Variants in PTGDS observed in about 807,000 individuals in gnomAD.
The protein encoded by PTGDS is prostaglandin-H2 D-isomerase.
PTGDS carries 21 observed loss-of-function variants against 28.4 expected under a neutral mutation model. The ratio of observed to expected loss-of-function variants is 0.74; its 90% CI spans 0.52 to 1.07. The LOEUF is 1.07. Among genes scored for constraint, PTGDS ranks in the 50% least tolerant of loss-of-function variants. PTGDS has a pLI of 0.00. For missense variants in PTGDS, 243 were observed against 247.7 expected (o/e 0.98, Z 0.13); for synonymous variants, 102 against 106.0 (o/e 0.96, Z 0.23).
At position 136,977,662 on chromosome 9, in the gene PTGDS, C is replaced by T; in HGVS notation, c.84C>T (p.Val28=). 1.9e-6 allele frequency: 3 copies of T among 1,605,760 alleles called. No individual in the cohort carries two copies. In the East Asian group the frequency reaches 6.8e-5, roughly 36 times the overall value. The change falls in exon 1 of 7, where the codon GTC becomes GTT. Residue 28 remains valine, a synonymous_variant. Transcript: ENST00000371625. ...TGCAGGCAGCACCGGAGGCCCAGGT[C>T]TCCGTGCAGCCCAACTTCCAGCAGG... ...GDLQAAPEAQ[V]SVQPNFQQDK...
chr9:136,980,391 C>G (rs1029723407), intron 5 of PTGDS, 107 bp downstream of exon 5: 2 of 1,256,738 alleles, frequency 1.6e-6, no homozygotes, highest in African/African-American at 1.5e-5. Flanking sequence ...CCGCCCTGCT[C>G]GAGGCCTGGG....
Position 136,979,267 on chromosome 9 carries a change from G to A in PTGDS, c.299G>A (p.Gly100Glu), listed in dbSNP as rs547801821. ...ETRTMLLQPA[G>E]SLGSYSYRSP... ...CGAACCATGCTGCTGCAGCCCGCGG[G>A]GTCCCTCGGCTCCTACAGCTACCGG... The change falls in exon 3 of 7, where the codon GGG becomes GAG. Residue 100 changes from glycine (G) to glutamate (E), a missense_variant. Coordinates refer to ENST00000371625, the MANE Select transcript of PTGDS (RefSeq NM_000954.6). 4.3e-6 allele frequency: 7 copies of A among 1,612,266 alleles called. No individual in the cohort carries two copies. The South Asian group carries it at 6.6e-5, about 15-fold the overall frequency.
At position 136,978,978 on chromosome 9, in the gene PTGDS, G is replaced by T; in HGVS notation, c.115-15G>T. 6.2e-7 allele frequency: 1 copy of T among 1,603,586 alleles called. No homozygotes were observed. ...GAGGGTCCTGGCCGACGCGGGTGGG[G>T]GTCGCTCGCCGCAGTTCCTGGGGCG... On this transcript the variant is annotated splice_polypyrimidine_tract_variant and intron_variant, in intron 1 of 6. Transcript: ENST00000371625.
rs1201841033 is a variant in PTGDS, at chr9:136,979,930, T to C, written c.332-16T>C. The C allele has an allele frequency of 2.5e-6, 4 of 1,609,986 alleles. No individual in the cohort carries two copies. Among genetic ancestry groups the C allele is most frequent in the Non-Finnish European group, 3.4e-6 (4 of 1,177,164 alleles). ...GGGGGCTGAGTCCCCGACAGGGTTG[T>C]CTCTTGGGTTCCCAGACTGGGGCAG... On this transcript the variant is annotated splice_polypyrimidine_tract_variant and intron_variant, in intron 3 of 6. Coordinates refer to ENST00000371625, the MANE Select transcript of PTGDS (RefSeq NM_000954.6).
At chr9:136,979,792 C>T (rs1830425826) in intron 3 of PTGDS, 154 bp from the exon 4 acceptor site, 2 of 767,480 alleles carry the variant, frequency 2.6e-6, no homozygotes, top group Admixed American at 1.9e-5. Flanking sequence ...CAGGCGAGAG[C>T]AGGGCACTGG....
intron 6 of PTGDS, 28 bp downstream of exon 6, chr9:136,980,883 C>CATTT: frequency 2.5e-6 from 4 of 1,572,870 alleles, no homozygotes; most frequent in Non-Finnish European, 2.6e-6. Context: ...TTCATTCATT[C>CATTT]ATTCATTCAT....
At chr9:136,980,694 T>G (rs1364788737) in intron 5 of PTGDS, 139 bp from the exon 6 acceptor site, 9 of 1,599,098 alleles carry the variant, frequency 5.6e-6, no homozygotes, top group Non-Finnish European at 7.7e-6. Flanking sequence ...CAGGGAGAGG[T>G]GGGAGGTGAT....
intron 3 of PTGDS, 168 bp downstream of exon 3, chr9:136,979,467 T>C: frequency 1.9e-6 from 3 of 1,540,602 alleles, no homozygotes; most frequent in Non-Finnish European, 2.6e-6. Context: ...CATGCACAAG[T>C]GTTAGGGACA....
In PTGDS at chr9:136,979,300, G is replaced by C. The variant is rs761604673; in HGVS notation, c.331+1G>C. 1.2e-6 allele frequency: 2 copies of C among 1,608,618 alleles called. No individual in the cohort carries two copies. Among genetic ancestry groups the C allele is most frequent in the Non-Finnish European group, 1.7e-6 (2 of 1,177,828 alleles). ...GGCTCCTACAGCTACCGGAGTCCCC[G>C]TGAGTGGGGCCTCCACCGGCCCCCT... On this transcript the variant is annotated splice_donor_variant, in intron 3 of 6. Coordinates refer to ENST00000371625, the MANE Select transcript of PTGDS (RefSeq NM_000954.6). LOFTEE classifies it high-confidence loss of function.
chr9:136,980,692 G>T lies in PTGDS; in HGVS notation c.551-141G>T, dbSNP rs753695186. 1.9e-6 allele frequency: 3 copies of T among 1,602,102 alleles called. No individual in the cohort carries two copies. The Admixed American group carries it at 5.2e-5, about 28-fold the overall frequency. ...TCTTTGTTTCCAGTGCCCAGGGAGAGGTGGGAGGTGATGGGGGATCTGTGC... is the reference window on the plus strand; with the variant it reads ...TCTTTGTTTCCAGTGCCCAGGGAGATGTGGGAGGTGATGGGGGATCTGTGC... On this transcript the variant is annotated intron_variant, in intron 5 of 6. Coordinates refer to ENST00000371625, the MANE Select transcript of PTGDS (RefSeq NM_000954.6).
In PTGDS at chr9:136,980,021, G is replaced by C; in HGVS notation, c.407G>C (p.Ser136Thr). ...TACGCGCTGCTGTACAGCCAGGGCAGCAAGGGCCCTGGCGAGGACTTCCGC... is the reference window on the plus strand; with the variant it reads ...TACGCGCTGCTGTACAGCCAGGGCACCAAGGGCCCTGGCGAGGACTTCCGC... The part of the protein sequence containing the change: ...DQYALLYSQG[S>T]KGPGEDFRMA... The change falls in exon 4 of 7, where the codon AGC becomes ACC. Residue 136 changes from serine (S) to threonine (T), a missense_variant. By Grantham distance (58) the Ser-to-Thr change is moderately conservative. Coordinates refer to ENST00000371625, the MANE Select transcript of PTGDS (RefSeq NM_000954.6). 2 of 1,612,930 alleles carry C rather than the reference G, an allele frequency of 1.2e-6. No homozygotes were observed. Among genetic ancestry groups the C allele is most frequent in the Non-Finnish European group, 1.7e-6 (2 of 1,179,844 alleles).
chr9:136,977,841 G>A, intron 1 of PTGDS, 149 bp downstream of exon 1: 1 of 443,978 alleles, frequency 2.3e-6, no homozygotes, highest in Non-Finnish European at 3.5e-6. Flanking sequence ...CGCGCAGGAA[G>A]GAGGCTGGGT....
intron 3 of PTGDS, 195 bp downstream of exon 3, chr9:136,979,494 AG>A: frequency 6.6e-7 from 1 of 1,510,824 alleles, no homozygotes; most frequent in Non-Finnish European, 8.9e-7. Flanking sequence ...CCCTTCCTCC[AG>A]GGGGTTGGAT....
Position 136,980,274 on chromosome 9 carries a change from G to A in PTGDS, c.540G>A (p.Leu180=), listed in dbSNP as rs367927175. The change falls in exon 5 of 7, where the codon CTG becomes CTA. Residue 180 remains leucine, a synonymous_variant. Transcript: ENST00000371625. ...QGFTEDTIVF[L]PQTDKCMTEQ is the part of the protein sequence containing the mutation. Reference sequence around the variant, plus strand: ...TCACAGAGGATACCATTGTCTTCCTGCCCCAAACCGGTGAGGGGTCCTAAT... The same window carrying A: ...TCACAGAGGATACCATTGTCTTCCTACCCCAAACCGGTGAGGGGTCCTAAT... 8.2e-5 allele frequency: 132 copies of A among 1,613,890 alleles called. No individual in the cohort carries two copies. The highest frequency in any genetic ancestry group is 1.6e-4 in the Middle Eastern group (1 of 6,084).
In PTGDS at chr9:136,979,280, C is replaced by G. The variant is rs764897922; in HGVS notation, c.312C>G (p.Ser104=). ...TGCAGCCCGCGGGGTCCCTCGGCTC[C>G]TACAGCTACCGGAGTCCCCGTGAGT... ...MLLQPAGSLG[S]YSYRSPHWGS... is the part of the protein sequence containing the mutation. The change falls in exon 3 of 7, where the codon TCC becomes TCG. Residue 104 remains serine (S), a synonymous_variant. Transcript: ENST00000371625. 88 of 1,611,062 alleles carry G rather than the reference C, an allele frequency of 5.5e-5. 1 individual carries two copies. The highest frequency in any genetic ancestry group is 4.4e-4 in the South Asian group (40 of 90,934).
chr9:136,978,731 TCTC>T (rs1830411000), intron 1 of PTGDS: 2 of 287,432 alleles, frequency 7.0e-6, no homozygotes, highest in Admixed American at 5.8e-5. Context: ...GGCGGGGTCA[TCTC>T]CTGGGGCGGG....
Position 136,979,073 on chromosome 9 carries a change from C to G in PTGDS, c.195C>G (p.Cys65Trp). The part of the protein sequence containing the change: ...LREKKAALSM[C>W]KSVVAPATDG... ...AGAAGAAGGCGGCGTTGTCCATGTG[C>G]AAGTCTGTGGTGGCCCCTGCCACGG... Residue 65 changes from cysteine to tryptophan, a missense_variant, in exon 2 of 7, where the codon TGC becomes TGG. Physicochemically the swap from Cys to Trp is radical, Grantham distance 215. Transcript: ENST00000371625. 6.2e-7 allele frequency: 1 copy of G among 1,610,258 alleles called. No homozygotes were observed. The highest frequency in any genetic ancestry group is 1.3e-5 in the African/African-American group (1 of 74,958).
chr9:136,981,041 G>A, intron 6 of PTGDS, 186 bp downstream of exon 6: 2 of 809,924 alleles, frequency 2.5e-6, no homozygotes, highest in African/African-American at 1.7e-5. Flanking sequence ...ATTGATGGGT[G>A]CACAGGTGTG....
intron 5 of PTGDS, among the ~76,000 whole-genome samples, 161 bp downstream of exon 5, chr9:136,980,445 C>A (rs1361306240): frequency 6.6e-6 from 1 of 152,218 alleles, no homozygotes; most frequent in African/African-American, 2.4e-5. Flanking sequence ...ACCTCCCTCC[C>A]GCAGCCCCTT....
Sources: gnomAD v4.1 joint callset for allele counts (sites outside exome capture counted in the v4.1 genomes callset) on GRCh38, gnomAD v4.1.1 for gene constraint, MANE v1.5 for transcripts, NCBI Gene and HGNC (gene_info 2026-07-23, HGNC 2026-07-21) for gene names.